The following FRMD4B variants were observed in gnomAD, a reference collection of about 807,000 sequenced individuals.
FRMD4B encodes the protein FERM domain-containing protein 4B.
FRMD4B carries 74 observed loss-of-function variants against 141.5 expected under a neutral mutation model. The ratio of observed to expected loss-of-function variants is 0.52; its 90% confidence interval spans 0.43 to 0.63. The LOEUF is 0.63. Among genes scored for constraint, FRMD4B ranks in the 30% least tolerant of loss-of-function variants. The pLI is 0.00. For missense variants in FRMD4B, 1,366 were observed against 1,253.4 expected (o/e 1.09, Z -1.36); for synonymous variants, 506 against 467.9 (o/e 1.08, Z -1.05).
intron 11 of FRMD4B, among the ~76,000 whole-genome samples, chr3:69,207,852 T>C (rs1436350029): frequency 9.9e-5 from 15 of 152,020 alleles, no homozygotes; most frequent in African/African-American, 1.9e-4. Flanking sequence ...TGGTTCTGCC[T>C]GTCTGGCAGC....
chr3:69,321,579 T>G (rs1172760927), intron 1 of FRMD4B, among the ~76,000 whole-genome samples: 2 of 152,208 alleles, frequency 1.3e-5, no homozygotes, highest in Non-Finnish European at 2.9e-5. Context: ...TTTATTGCTT[T>G]GTTCACCACT....
In FRMD4B at chr3:69,245,219, T is replaced by C. The variant is rs547903035; in HGVS notation, c.581+4007A>G. Among the ~76,000 whole-genome samples, 57 of 152,316 alleles carry C rather than the reference T, an allele frequency of 3.7e-4. 1 individual carries two copies. Among genetic ancestry groups the C allele is most frequent in the Admixed American group, 3.3e-3 (50 of 15,294 alleles). On this transcript the variant is annotated intron_variant, in intron 7 of 22. Coordinates refer to ENST00000398540, the MANE Select transcript of FRMD4B (RefSeq NM_015123.3). Reference sequence around the variant, plus strand: ...TGTTCAAGATTACACAGGTAATAAGTAGCCAAGCTGGCATTTGAATCAGGC... The same window carrying C: ...TGTTCAAGATTACACAGGTAATAAGCAGCCAAGCTGGCATTTGAATCAGGC...
intron 5 of FRMD4B, among the ~76,000 whole-genome samples, chr3:69,265,269 A>AATAT (rs1175250592): frequency 1.3e-4 from 3 of 23,440 alleles, no homozygotes; most frequent in African/African-American, 5.0e-4. Context: ...AAAAAAAAAA[A>AATAT]ATATATATAT....
intron 7 of FRMD4B, among the ~76,000 whole-genome samples, chr3:69,234,514 A>G (rs2093331708): frequency 6.6e-6 from 1 of 152,212 alleles, no homozygotes; most frequent in Admixed American, 6.5e-5. Flanking sequence ...ATTGAAAAAG[A>G]ATATCATGTT....
Position 69,428,120 on chromosome 3 carries a change from T to G in FRMD4B, c.-1+4514A>C, listed in dbSNP as rs946267145. Among the ~76,000 whole-genome samples, 3 of 151,946 alleles carry G rather than the reference T, an allele frequency of 2.0e-5. No homozygotes were observed. The East Asian group carries it at 5.9e-4, about 30-fold the overall frequency. Reference sequence around the variant, plus strand: ...AGTAGAAATCTTAAAAAGGCCAACATAGTTTATAGATGACTCTTCTAATAC... The same window carrying G: ...AGTAGAAATCTTAAAAAGGCCAACAGAGTTTATAGATGACTCTTCTAATAC... On this transcript the variant is annotated intron_variant, in intron 2 of 5. Coordinates refer to the FRMD4B transcript ENST00000459638.
intron 1 of FRMD4B, among the ~76,000 whole-genome samples, chr3:69,379,978 G>T (rs1332803446): frequency 6.6e-6 from 1 of 152,214 alleles, no homozygotes; most frequent in African/African-American, 2.4e-5. Flanking sequence ...GGAGAGCGAA[G>T]GGTGAGAGCA....
intron 2 of FRMD4B, among the ~76,000 whole-genome samples, chr3:69,394,573 T>A (rs1423927843): frequency 6.6e-6 from 1 of 152,116 alleles, no homozygotes; most frequent in Non-Finnish European, 1.5e-5. Flanking sequence ...TTGGTGGGAG[T>A]GTAAATTAGT....
At chr3:69,315,097 A>T (rs368200152) in intron 1 of FRMD4B, among the ~76,000 whole-genome samples, 2 of 152,220 alleles carry the variant, frequency 1.3e-5, no homozygotes, top group African/African-American at 2.4e-5. Context: ...TAGTCCACCA[A>T]CATAGTTTAC....
chr3:69,181,249 C>T lies in FRMD4B; in HGVS notation c.2501G>A (p.Ser834Asn). Residue 834 changes from serine (S) to asparagine (N), a missense_variant, in exon 21 of 23, where the codon AGT becomes AAT. Transcript: ENST00000398540. ...VYENDTEGQY[S>N]VNPSYRSSAH... ...TGAGGACCGGTAGGAAGGGTTGACA[C>T]TATACTGTCCCTCGGTGTCATTCTC... 2 of 1,613,848 alleles carry T rather than the reference C, an allele frequency of 1.2e-6. No homozygotes were observed. The highest frequency in any genetic ancestry group is 1.7e-6 in the Non-Finnish European group (2 of 1,179,744).
intron 1 of FRMD4B, among the ~76,000 whole-genome samples, chr3:69,383,194 A>G (rs1704160535): frequency 6.6e-6 from 1 of 152,230 alleles, no homozygotes. Context: ...ACATAGGCAA[A>G]GACTGGATTA....
At position 69,195,061 on chromosome 3, in the gene FRMD4B, A is replaced by G; in HGVS notation, c.1449T>C (p.Thr483=). 6.2e-7 allele frequency: 1 copy of G among 1,613,896 alleles called. No homozygotes were observed. Among genetic ancestry groups the G allele is most frequent in the Non-Finnish European group, 8.5e-7 (1 of 1,179,756 alleles). ...KPPQVRRRVG[T]AFKLDDNLLP... is the part of the protein sequence containing the mutation. Reference sequence around the variant, plus strand: ...GCAAGTTGTCATCTAATTTGAACGCAGTACCCACACGTCTTCTGACCTGAG... The same window carrying G: ...GCAAGTTGTCATCTAATTTGAACGCGGTACCCACACGTCTTCTGACCTGAG... The change falls in exon 16 of 23, where the codon ACT becomes ACC. Residue 483 remains threonine (T), a synonymous_variant. Transcript: ENST00000398540.
intron 1 of FRMD4B, chr3:69,472,405 T>C: frequency 2.0e-6 from 1 of 493,868 alleles, no homozygotes; most frequent in Non-Finnish European, 4.1e-6. Context: ...TGGAAGTGCC[T>C]CTTCACTAAT....
At chr3:69,362,796 A>G (rs773626772) in intron 1 of FRMD4B, among the ~76,000 whole-genome samples, 11 of 152,250 alleles carry the variant, frequency 7.2e-5, no homozygotes, top group Non-Finnish European at 1.6e-4. Flanking sequence ...TGAATTTTAA[A>G]CAATTTCTTT....
chr3:69,371,982 G>A (rs544392418), intron 1 of FRMD4B, among the ~76,000 whole-genome samples: 6 of 152,274 alleles, frequency 3.9e-5, no homozygotes, highest in South Asian at 2.1e-4. Context: ...CCAGGGCACC[G>A]TGTGATCTAA....
At chr3:69,303,684 A>G (rs932310972) in intron 3 of FRMD4B, among the ~76,000 whole-genome samples, 2 of 152,102 alleles carry the variant, frequency 1.3e-5, no homozygotes, top group Non-Finnish European at 2.9e-5. Flanking sequence ...TAATCCTAGC[A>G]CTTGGGAGGC....
Position 69,302,843 on chromosome 3 carries a change from C to G in FRMD4B, c.324-408G>C, listed in dbSNP as rs181616504. Among the ~76,000 whole-genome samples the G allele has an allele frequency of 4.1e-3, 617 of 152,144 alleles. 5 individuals carry two copies. Among genetic ancestry groups the G allele is most frequent in the African/African-American group, 0.014 (593 of 41,490 alleles). ...ATCCCAGCACTTTGGGAGGCCGAGG[C>G]GGGCAGATCACCTGAGGTCAGGAGT... On this transcript the variant is annotated intron_variant, in intron 3 of 22. Coordinates refer to ENST00000398540, the MANE Select transcript of FRMD4B (RefSeq NM_015123.3).
chr3:69,204,636 A>G (rs1310409894), intron 11 of FRMD4B, among the ~76,000 whole-genome samples: 1 of 152,240 alleles, frequency 6.6e-6, no homozygotes, highest in Non-Finnish European at 1.5e-5. Context: ...AGGCTTCTAT[A>G]AAGCCCAATT....
Position 69,266,319 on chromosome 3 carries a change from A to T in FRMD4B, c.502-16220T>A, listed in dbSNP as rs568909820. Among the ~76,000 whole-genome samples, 3 of 152,246 alleles carry T rather than the reference A, an allele frequency of 2.0e-5. No individual in the cohort carries two copies. The South Asian group carries it at 6.2e-4, about 32-fold the overall frequency. On this transcript the variant is annotated intron_variant, in intron 5 of 22. Coordinates refer to ENST00000398540, the MANE Select transcript of FRMD4B (RefSeq NM_015123.3). ...CCATTAAAGAGCATCAAAATGAATG[A>T]CAGAAAGGATTTTTTGTGTGTGCGT... is the stretch of plus-strand genomic sequence containing the variant.
rs1444517115 is a variant in FRMD4B at position 69,181,607 on chromosome 3, A to G, written c.2143T>C (p.Ser715Pro). 1.2e-6 allele frequency: 2 copies of G among 1,613,546 alleles called. No homozygotes were observed. The highest frequency in any genetic ancestry group is 2.7e-5 in the African/African-American group (2 of 74,854). The change falls in exon 21 of 23, where the codon TCC becomes CCC. Residue 715 changes from serine (S) to proline (P), a missense_variant. Physicochemically the swap from Ser to Pro is moderately conservative, Grantham distance 74 (BLOSUM62 -1). Coordinates refer to ENST00000398540, the MANE Select transcript of FRMD4B (RefSeq NM_015123.3). ...MDSDKPFFSLSKSQRSSSTEI... is the reference protein window; with the variant it reads ...MDSDKPFFSLPKSQRSSSTEI... Reference sequence around the variant, plus strand: ...GTGCTGCTGCTTCTTTGGGATTTGGAGAGGGAGAAAAATGGCTTATCGCTG... The same window carrying G: ...GTGCTGCTGCTTCTTTGGGATTTGGGGAGGGAGAAAAATGGCTTATCGCTG...
Sources: allele counts gnomAD v4.1 joint callset (sites outside exome capture counted in the v4.1 genomes callset), GRCh38; gene constraint gnomAD v4.1.1; transcripts MANE v1.5; gene names NCBI Gene and HGNC (gene_info 2026-07-23, HGNC 2026-07-21).